DPP6: variants seen among roughly 807,000 people sequenced by gnomAD.
DPP6 encodes the protein A-type potassium channel modulatory protein DPP6.
DPP6 carries 69 observed loss-of-function variants against 122.6 expected under a neutral mutation model. The observed-to-expected ratio is 0.56, with a 90% CI of 0.46 to 0.69. DPP6 has a LOEUF of 0.69. DPP6 is among the 30% of genes least tolerant of loss of function. The pLI is 0.00. For synonymous variants in DPP6, 418 were observed against 433.1 expected, an observed-to-expected ratio of 0.97 and a Z score of 0.43; for missense variants, 928 against 1,116.9, an observed-to-expected ratio of 0.83 and a Z score of 2.41.
chr7:154,881,726 G>A (rs1805403422), intron 21 of DPP6, among the ~76,000 whole-genome samples: 1 of 152,190 alleles, frequency 6.6e-6, no homozygotes, highest in Non-Finnish European at 1.5e-5. Context: ...ATGCACTGGA[G>A]ACCCGGCCCT....
chr7:154,562,220 A>T (rs1830466867), intron 4 of DPP6, among the ~76,000 whole-genome samples: 2 of 152,182 alleles, frequency 1.3e-5, no homozygotes, highest in African/African-American at 4.8e-5. Context: ...ATTGAGTCCA[A>T]CAATATATAA....
intron 1 of DPP6, among the ~76,000 whole-genome samples, chr7:153,938,505 C>T (rs916893251): frequency 6.6e-6 from 1 of 152,136 alleles, no homozygotes; most frequent in African/African-American, 2.4e-5. Context: ...GATTCTCTGC[C>T]TGTAGGTGAC....
intron 16 of DPP6, among the ~76,000 whole-genome samples, chr7:154,853,476 G>A (rs142374934): frequency 3.8e-4 from 58 of 152,344 alleles, no homozygotes; most frequent in African/African-American, 1.3e-3. Context: ...ATGATGTTAT[G>A]AGGATATAAA....
the DPP6 span, among the ~76,000 whole-genome samples, chr7:153,841,987 T>A: frequency 1.3e-5 from 2 of 152,250 alleles, no homozygotes; most frequent in African/African-American, 4.8e-5. Flanking sequence ...CCCAGGTTTC[T>A]CTTGACGTTT....
At position 154,760,352 on chromosome 7, in the gene DPP6, G is replaced by A. The variant is rs1364687312; in HGVS notation, c.884-9065G>A. ...GCTGTGTGTGCAAATTCAGGGGGGT[G>A]GGGTGGAGGAAATTCAGTCCATGAC... On this transcript the variant is annotated intron_variant, in intron 8 of 25. Transcript: ENST00000377770. The surrounding 1 kb of genome is among the most constrained non-coding windows in gnomAD (Gnocchi z 4.5). 6.6e-6 allele frequency among the ~76,000 whole-genome samples: 1 copy of A among 152,062 alleles called. No homozygotes were observed. The highest frequency in any genetic ancestry group is 2.4e-5 in the African/African-American group (1 of 41,400).
chr7:154,530,503 G>A (rs1179271550), intron 3 of DPP6, among the ~76,000 whole-genome samples: 3 of 152,150 alleles, frequency 2.0e-5, no homozygotes, highest in Non-Finnish European at 4.4e-5. Flanking sequence ...ACAGATGTTG[G>A]CAAGGTTGCA....
chr7:153,961,524 A>G (rs1312168879), intron 1 of DPP6, among the ~76,000 whole-genome samples: 1 of 150,042 alleles, frequency 6.7e-6, no homozygotes, highest in Admixed American at 6.6e-5. Flanking sequence ...GGCACCAGGG[A>G]CTGGTTTCAT....
chr7:154,048,415 C>CA (rs967868863), upstream of DPP6, among the ~76,000 whole-genome samples: 12 of 91,298 alleles, frequency 1.3e-4, 1 homozygote, highest in Middle Eastern at 5.3e-3. Context: ...AGTTCTCTTG[C>CA]AAAAAACAAA....
intron 1 of DPP6, among the ~76,000 whole-genome samples, chr7:154,220,236 T>C (rs1259490532): frequency 6.6e-6 from 1 of 152,158 alleles, no homozygotes; most frequent in Non-Finnish European, 1.5e-5. Context: ...TAAAAGGGGC[T>C]TCAGAGAGCT....
At chr7:154,395,808 A>G (rs1426385334) in intron 1 of DPP6, among the ~76,000 whole-genome samples, 3 of 152,048 alleles carry the variant, frequency 2.0e-5, no homozygotes, top group African/African-American at 7.2e-5. Context: ...TAAGTGGTAA[A>G]AGTTGGCATC....
chr7:154,149,382 C>A (rs543224357), intron 1 of DPP6, among the ~76,000 whole-genome samples: 2 of 151,942 alleles, frequency 1.3e-5, no homozygotes, highest in East Asian at 3.9e-4. Flanking sequence ...GATTCCTTCC[C>A]TCCGAAGCTC....
At chr7:154,364,769 A>C (rs1487980328) in intron 1 of DPP6, among the ~76,000 whole-genome samples, 1 of 152,158 alleles carries the variant, frequency 6.6e-6, no homozygotes, top group Admixed American at 6.5e-5. Context: ...GCACCTCGAG[A>C]TTGACTTGAT....
In DPP6 at chr7:154,669,373, C is replaced by A. The variant is rs1838402990; in HGVS notation, c.694C>A (p.Leu232Met). 1 of 1,554,862 alleles carries A rather than the reference C, an allele frequency of 6.4e-7. No individual in the cohort carries two copies. The highest frequency in any genetic ancestry group is 8.7e-7 in the Non-Finnish European group (1 of 1,148,448). The change falls in exon 7 of 26, where the codon CTG becomes ATG. Residue 232 changes from leucine to methionine, a missense_variant. By Grantham distance (15) the Leu-to-Met change is conservative (BLOSUM62 2). Coordinates refer to ENST00000377770, the MANE Select transcript of DPP6 (RefSeq NM_130797.4). ...TTCAATTTTCAGGGATCCTCAAAGTCTGGACCCACCAGAAGTCAGCAATGC... is the reference window on the plus strand; with the variant it reads ...TTCAATTTTCAGGGATCCTCAAAGTATGGACCCACCAGAAGTCAGCAATGC... Reference protein sequence around the residue: ...SKIPHGDPQSLDPPEVSNAKL... With the variant: ...SKIPHGDPQSMDPPEVSNAKL...
intron 1 of DPP6, among the ~76,000 whole-genome samples, chr7:154,328,340 T>A (rs1808625405): frequency 6.6e-6 from 1 of 152,118 alleles, no homozygotes; most frequent in Admixed American, 6.5e-5. Flanking sequence ...GGAATCGACA[T>A]GAAGCTACAT....
Position 154,803,847 on chromosome 7 carries a change from A to G in DPP6, c.1408-17A>G, listed in dbSNP as rs1366265542. ...GACACCGGTGTCTGCTCCTGATGCCATGTCTGTGTGTTTCAGCCCAACAGC... is the reference window on the plus strand; with the variant it reads ...GACACCGGTGTCTGCTCCTGATGCCGTGTCTGTGTGTTTCAGCCCAACAGC... On this transcript the variant is annotated splice_polypyrimidine_tract_variant and intron_variant, in intron 13 of 25. Transcript: ENST00000377770. 1.4e-5 allele frequency: 23 copies of G among 1,611,610 alleles called. No individual in the cohort carries two copies. The highest frequency in any genetic ancestry group is 1.8e-5 in the Non-Finnish European group (21 of 1,178,314).
rs1021991127 is a variant in DPP6 at position 154,877,793 on chromosome 7, C to G, written c.2078+1693C>G. Among the ~76,000 whole-genome samples, 1 of 152,230 alleles carries G rather than the reference C, an allele frequency of 6.6e-6. No homozygotes were observed. Among genetic ancestry groups the G allele is most frequent in the African/African-American group, 2.4e-5 (1 of 41,474 alleles). On this transcript the variant is annotated intron_variant, in intron 20 of 25. Coordinates refer to ENST00000377770, the MANE Select transcript of DPP6 (RefSeq NM_130797.4). This position sits in a 1 kb window ranked among gnomAD's most constrained non-coding sequence, Gnocchi z 5.2. Reference sequence around the variant, plus strand: ...CAGTGAGACAGGTGCAGGCAGCCCCCCCAGAGACCAAGTGGGTCCGTCTGA... The same window carrying G: ...CAGTGAGACAGGTGCAGGCAGCCCCGCCAGAGACCAAGTGGGTCCGTCTGA...
At chr7:154,125,591 G>A (rs765269505) in intron 1 of DPP6, among the ~76,000 whole-genome samples, 1 of 152,118 alleles carries the variant, frequency 6.6e-6, no homozygotes, top group Non-Finnish European at 1.5e-5. Context: ...ACACCCCATC[G>A]GTAGGGCACA....
chr7:154,732,977 C>T (rs1047189377), intron 8 of DPP6, among the ~76,000 whole-genome samples: 2 of 152,190 alleles, frequency 1.3e-5, no homozygotes, highest in Admixed American at 1.3e-4. Flanking sequence ...CAGTCCACCG[C>T]CCTCGCCTGG....
chr7:154,870,742 C>T (rs2150634603), intron 18 of DPP6, among the ~76,000 whole-genome samples: 1 of 152,138 alleles, frequency 6.6e-6, no homozygotes, highest in South Asian at 2.1e-4. Context: ...GCATGCGGAT[C>T]ACTTGAGGTC....
Sources: allele counts gnomAD v4.1 joint callset (sites outside exome capture counted in the v4.1 genomes callset), GRCh38; gene constraint gnomAD v4.1.1; non-coding constraint Gnocchi (gnomAD v3.1); transcripts MANE v1.5; gene names NCBI Gene and HGNC (gene_info 2026-07-23, HGNC 2026-07-21).